The following DMXL1 variants were observed in gnomAD, a reference collection of about 807,000 sequenced individuals.
The protein encoded by DMXL1 is Dmx like 1.
DMXL1 carries 99 observed loss-of-function variants against 319.2 expected under a neutral mutation model. The observed-to-expected ratio is 0.31, with a 90% confidence interval of 0.26 to 0.37. The LOEUF is 0.37. Ranked by LOEUF, DMXL1 falls within the 10% of genes least tolerant of loss-of-function variation. DMXL1 has a pLI of 1.00. For missense variants in DMXL1, 3,745 were observed against 3,595.6 expected (o/e 1.04, Z -1.06); for synonymous variants, 1,385 against 1,235.2 (o/e 1.12, Z -2.54).
intron 1 of DMXL1, among the ~76,000 whole-genome samples, chr5:119,073,901 A>G (rs1254073087): frequency 6.7e-6 from 1 of 149,508 alleles, no homozygotes; most frequent in African/African-American, 2.5e-5. Flanking sequence ...TCTATTGTTT[A>G]CTTCTTGAGT....
intron 38 of DMXL1, among the ~76,000 whole-genome samples, chr5:119,228,385 T>C (rs1042565510): frequency 6.6e-6 from 1 of 152,224 alleles, no homozygotes; most frequent in Admixed American, 6.5e-5. Context: ...ATTATCATAA[T>C]GCACAATTGA....
intron 23 of DMXL1, 111 bp downstream of exon 23, chr5:119,167,975 T>G (rs1332418702): frequency 1.9e-6 from 2 of 1,046,070 alleles, no homozygotes; most frequent in Non-Finnish European, 2.6e-6. Flanking sequence ...GAATTCATGG[T>G]CTTTATAACA....
chr5:119,204,727 G>A (rs1343328229), intron 33 of DMXL1, among the ~76,000 whole-genome samples: 2 of 152,156 alleles, frequency 1.3e-5, no homozygotes, highest in African/African-American at 2.4e-5. Context: ...GACTGGTAAC[G>A]AAGAGTTCAG....
At chr5:119,219,556 A>ATTT (rs1554146876) in intron 35 of DMXL1, among the ~76,000 whole-genome samples, 7 of 150,682 alleles carry the variant, frequency 4.6e-5, no homozygotes, top group African/African-American at 1.7e-4. Context: ...ATACACATTT[A>ATTT]ATTAATTAAT....
chr5:119,224,837 A>G (rs933153644), intron 38 of DMXL1, 68 bp downstream of exon 38: 3 of 704,926 alleles, frequency 4.3e-6, no homozygotes, highest in African/African-American at 1.8e-5. Flanking sequence ...ATTTTATTAT[A>G]AGAAATGTGT....
intron 7 of DMXL1, among the ~76,000 whole-genome samples, chr5:119,117,407 C>A (rs1761086247): frequency 6.6e-6 from 1 of 152,074 alleles, no homozygotes; most frequent in Admixed American, 6.6e-5. Flanking sequence ...TTTTCCCTAG[C>A]TTTTCACTGT....
intron 23 of DMXL1, among the ~76,000 whole-genome samples, chr5:119,168,861 C>G (rs1464523480): frequency 6.6e-6 from 1 of 151,960 alleles, no homozygotes; most frequent in Non-Finnish European, 1.5e-5. Context: ...CCCCCTTTCC[C>G]TTTCCCTTCC....
chr5:119,160,415 A>G (rs1408599701), intron 19 of DMXL1, among the ~76,000 whole-genome samples: 2 of 152,176 alleles, frequency 1.3e-5, no homozygotes, highest in East Asian at 1.9e-4. Context: ...TATGATTTAC[A>G]TACACTTGAA....
intron 9 of DMXL1, among the ~76,000 whole-genome samples, chr5:119,123,531 A>G (rs909637327): frequency 1.3e-5 from 2 of 152,132 alleles, no homozygotes; most frequent in Non-Finnish European, 2.9e-5. Context: ...TTTGCCCTTT[A>G]AGGCCATGAC....
chr5:119,212,931 A>G (rs1220792026), intron 34 of DMXL1, among the ~76,000 whole-genome samples: 3 of 152,082 alleles, frequency 2.0e-5, no homozygotes, highest in African/African-American at 4.8e-5. Context: ...AAACATCCTT[A>G]TCCCTGTTCT....
chr5:119,222,641 C>T (rs775720262), intron 37 of DMXL1, among the ~76,000 whole-genome samples: 4 of 152,134 alleles, frequency 2.6e-5, no homozygotes, highest in Non-Finnish European at 4.4e-5. Context: ...CAGCCAGTTA[C>T]TCTTTTCTAA....
chr5:119,148,019 T>C (rs1222794042), intron 17 of DMXL1, among the ~76,000 whole-genome samples: 2 of 152,156 alleles, frequency 1.3e-5, no homozygotes, highest in African/African-American at 4.8e-5. Flanking sequence ...ATTCTTATGC[T>C]TGCAAAAGGT....
rs775372806 is a variant in DMXL1, at chr5:119,144,628, A to G, written c.2559A>G (p.Leu853=). 6 of 1,586,142 alleles carry G rather than the reference A, an allele frequency of 3.8e-6. No homozygotes were observed. In the African/African-American group the frequency reaches 6.8e-5, roughly 18 times the overall value. ...AAAGCCTTGGCAAAGACAGCATTTT[A>G]TCTAATGCAGGTAAGGAAGAATTAT... ...EKKSLGKDSI[L]SNAGSSPNGF... Residue 853 remains leucine, a synonymous_variant, in exon 15 of 44, where the codon TTA becomes TTG. Transcript: ENST00000539542.
chr5:119,171,584 G>C (rs190976027), intron 24 of DMXL1, among the ~76,000 whole-genome samples, 194 bp from the exon 25 acceptor site: 1 of 151,008 alleles, frequency 6.6e-6, no homozygotes, highest in Admixed American at 6.6e-5. Context: ...TTCCCTCTCT[G>C]TGCCCCTAAA....
In DMXL1 at chr5:119,224,535, A is replaced by G. The variant is rs549079958; in HGVS notation, c.8278-174A>G. On this transcript the variant is annotated intron_variant, in intron 37 of 43. Coordinates refer to ENST00000539542, the MANE Select transcript of DMXL1 (RefSeq NM_001290321.3). ...TAATGCCCAAAATATATGTGCAAAT[A>G]TAAGAGCTGCACTATTAAATTTCTG... Among the ~76,000 whole-genome samples the G allele has an allele frequency of 1.7e-4, 26 of 152,142 alleles. No homozygotes were observed. The East Asian group carries it at 4.8e-3, about 28-fold the overall frequency.
chr5:119,122,357 G>C (rs1028749224), intron 9 of DMXL1, among the ~76,000 whole-genome samples: 5 of 148,496 alleles, frequency 3.4e-5, no homozygotes, highest in African/African-American at 1.2e-4. Context: ...TGGCCGGGCA[G>C]AGGGGCTCCT....
At chr5:119,071,830 C>T (rs374134114) in intron 1 of DMXL1, among the ~76,000 whole-genome samples, 174 bp downstream of exon 1, 1 of 152,078 alleles carries the variant, frequency 6.6e-6, no homozygotes, top group Non-Finnish European at 1.5e-5. Context: ...AAAACCATGT[C>T]GGTCAGTGAG....
chr5:119,074,876 G>A (rs1231857341), intron 1 of DMXL1, among the ~76,000 whole-genome samples: 1 of 152,210 alleles, frequency 6.6e-6, no homozygotes, highest in African/African-American at 2.4e-5. Flanking sequence ...GATTTCCAAT[G>A]TGGTCCCTTT....
chr5:119,143,923 C>T lies in DMXL1; in HGVS notation c.2459C>T (p.Thr820Ile). The T allele has an allele frequency of 6.4e-7, 1 of 1,564,482 alleles. No homozygotes were observed. Among genetic ancestry groups the T allele is most frequent in the Non-Finnish European group, 8.6e-7 (1 of 1,156,086 alleles). ...TGCATTATTGCATTAGATCCCATTA[C>T]CAAACTTGTAAGTATTAATTTTGGG... ...PGCIIALDPI[T>I]KLHGRKTQLL... The change falls in exon 14 of 44, where the codon ACC becomes ATC. Residue 820 changes from threonine (T) to isoleucine (I), a missense_variant. By Grantham distance (89) the Thr-to-Ile change is moderately conservative. Transcript: ENST00000539542.
Sources: allele counts gnomAD v4.1 joint callset (sites outside exome capture counted in the v4.1 genomes callset), GRCh38; gene constraint gnomAD v4.1.1; transcripts MANE v1.5; gene names NCBI Gene and HGNC (gene_info 2026-07-23, HGNC 2026-07-21).